TRMT44: variants seen among roughly 807,000 people sequenced by gnomAD.
TRMT44 encodes the protein tRNA methyltransferase 44 homolog, also known as probable tRNA (uracil-O(2)-)-methyltransferase.
TRMT44 carries 78 observed loss-of-function variants against 77.3 expected under a neutral mutation model. The ratio of observed to expected loss-of-function variants is 1.01; its 90% CI spans 0.84 to 1.22. The LOEUF is 1.22. Among genes scored for constraint, TRMT44 ranks in the 50% most tolerant of loss-of-function variants. TRMT44 has a pLI of 0.00. For synonymous variants in TRMT44, 391 were observed against 383.3 expected (o/e 1.02, Z -0.23); for missense variants, 1,090 against 964.4 (o/e 1.13, Z -1.73).
chr4:8,466,056 C>T (rs1449773461), intron 8 of TRMT44, among the ~76,000 whole-genome samples: 1 of 152,222 alleles, frequency 6.6e-6, no homozygotes, highest in Non-Finnish European at 1.5e-5. Flanking sequence ...TGGGACTGTG[C>T]CTCTGACCTT....
downstream of TRMT44, chr4:8,476,746 C>G (rs1453169141): frequency 6.6e-6 from 1 of 152,242 alleles, no homozygotes; most frequent in Non-Finnish European, 1.5e-5. Context: ...ATTTGTTTCT[C>G]TTTTATTTTT....
rs989786284 is a variant in TRMT44 at position 8,475,796 on chromosome 4, G to A, written c.2069G>A (p.Arg690His). Residue 690 changes from arginine to histidine, a missense_variant, in exon 11 of 11, where the codon CGC becomes CAC. By Grantham distance (29) the Arg-to-His change is conservative. Transcript: ENST00000389737. The stretch of plus-strand genomic sequence containing the variant: ...GTTGTGAATGGGAGAGTTCACATCC[G>A]CGACTGGCGAGAGGAGACACTGTGG... ...FQVVNGRVHI[R>H]DWREETLWKT... 6 of 1,614,012 alleles carry A rather than the reference G, an allele frequency of 3.7e-6. No individual in the cohort carries two copies. Among genetic ancestry groups the A allele is most frequent in the Non-Finnish European group, 3.4e-6 (4 of 1,180,046 alleles).
chr4:8,490,289 T>C (rs1007042458), intron 2 of TRMT44, among the ~76,000 whole-genome samples: 2 of 152,260 alleles, frequency 1.3e-5, no homozygotes, highest in African/African-American at 2.4e-5. Context: ...ACTTCAAGAA[T>C]GAAGCCACAG....
chr4:8,462,583 T>G (rs1726228595), intron 6 of TRMT44, among the ~76,000 whole-genome samples: 2 of 151,944 alleles, frequency 1.3e-5, no homozygotes, highest in African/African-American at 4.8e-5. Context: ...CGGGTGCCTG[T>G]AATCCCAGCT....
chr4:8,445,536 C>T (rs1345922462), intron 1 of TRMT44, among the ~76,000 whole-genome samples: 3 of 152,240 alleles, frequency 2.0e-5, no homozygotes, highest in Non-Finnish European at 2.9e-5. Context: ...AATTGCTGCT[C>T]CTGTGTCTGA....
chr4:8,512,570 C>T, the TRMT44 span: 1 of 152,180 alleles, frequency 6.6e-6, no homozygotes, highest in Non-Finnish European at 1.5e-5. Context: ...TACATAAAAT[C>T]GTCGAAACTT....
intron 1 of TRMT44, among the ~76,000 whole-genome samples, chr4:8,443,655 G>A (rs1409086978): frequency 6.6e-6 from 1 of 152,196 alleles, no homozygotes; most frequent in Non-Finnish European, 1.5e-5. Flanking sequence ...ATAAATGCTA[G>A]CTGCTGTTTG....
At chr4:8,466,761 C>G (rs1007462302) in intron 8 of TRMT44, among the ~76,000 whole-genome samples, 1 of 152,224 alleles carries the variant, frequency 6.6e-6, no homozygotes, top group African/African-American at 2.4e-5. Flanking sequence ...CTTCATCTCT[C>G]TGAGCTTCAG....
At chr4:8,454,970 G>T in intron 6 of TRMT44, 157 bp downstream of exon 6, 1 of 731,702 alleles carries the variant, frequency 1.4e-6, no homozygotes, top group Non-Finnish European at 2.3e-6. Context: ...AAGAGAAAAA[G>T]AGACATGAAA....
At chr4:8,472,808 G>C (rs1025335265) in intron 10 of TRMT44, among the ~76,000 whole-genome samples, 3 of 151,272 alleles carry the variant, frequency 2.0e-5, no homozygotes, top group African/African-American at 7.4e-5. Context: ...GGCTGGGCCT[G>C]CTGCCTGGAG....
chr4:8,480,176 T>C (rs1727568926), downstream of TRMT44, among the ~76,000 whole-genome samples: 1 of 152,204 alleles, frequency 6.6e-6, no homozygotes, highest in Admixed American at 6.5e-5. Context: ...AGAATTCATC[T>C]GAAGAGCATA....
Position 8,475,990 on chromosome 4 carries a change from A to G in TRMT44, c.2263A>G (p.Lys755Glu), listed in dbSNP as rs1466545515. 1 of 1,613,710 alleles carries G rather than the reference A, an allele frequency of 6.2e-7. No individual in the cohort carries two copies. The highest frequency in any genetic ancestry group is 1.3e-5 in the African/African-American group (1 of 74,938). Residue 755 changes from lysine (K) to glutamate (E), a missense_variant, in exon 11 of 11, where the codon AAG becomes GAG. By Grantham distance (56) the Lys-to-Glu change is moderately conservative (BLOSUM62 1). Transcript: ENST00000389737. ...LRPPRTTPRK[K>E]IS ...GCCACCCCGGACCACCCCGAGGAAGAAGATTTCATGAGCTGCATCCTTGCC... is the reference window on the plus strand; with the variant it reads ...GCCACCCCGGACCACCCCGAGGAAGGAGATTTCATGAGCTGCATCCTTGCC...
Position 8,452,091 on chromosome 4 carries a change from C to A in TRMT44, c.1023+63C>A. 7.1e-7 allele frequency: 1 copy of A among 1,405,288 alleles called. No homozygotes were observed. The highest frequency in any genetic ancestry group is 9.7e-7 in the Non-Finnish European group (1 of 1,028,254). The allele number at this position is 1,405,288 out of a possible 1,614,324, so 87.1% of individuals were successfully genotyped here. A position where few individuals can be genotyped will look rare whatever the true frequency, so the allele number is the denominator to read the frequency against. ...TGGAGTTTGCTACAGGCAGATGTTC[C>A]CTGTAGTGAAGGACATTTTCCAAAT... On this transcript the variant is annotated intron_variant, in intron 4 of 10. Transcript: ENST00000389737. This position sits in a 1 kb window ranked among gnomAD's most constrained non-coding sequence, Gnocchi z 5.7.
At chr4:8,485,502 G>T (rs1446229842) in intron 2 of TRMT44, among the ~76,000 whole-genome samples, 1 of 152,198 alleles carries the variant, frequency 6.6e-6, no homozygotes, top group African/African-American at 2.4e-5. Context: ...TCCTTTTAAA[G>T]CGTGCTGTGG....
chr4:8,503,679 G>T, the TRMT44 span, among the ~76,000 whole-genome samples: 1 of 152,326 alleles, frequency 6.6e-6, no homozygotes, highest in South Asian at 2.1e-4. Flanking sequence ...CGGGAGTCAG[G>T]TGGTCACAGG....
At chr4:8,472,347 C>T (rs749731399) in intron 10 of TRMT44, among the ~76,000 whole-genome samples, 78 of 152,198 alleles carry the variant, frequency 5.1e-4, no homozygotes, top group Non-Finnish European at 5.1e-4. Context: ...GGTCGGGTTA[C>T]AGCCGCCATG....
chr4:8,474,286 G>T (rs1727218229), intron 10 of TRMT44, among the ~76,000 whole-genome samples: 1 of 152,244 alleles, frequency 6.6e-6, no homozygotes, highest in South Asian at 2.1e-4. Flanking sequence ...CAGTGGCCAG[G>T]ATGTGCCCTT....
chr4:8,440,822 C>T lies in TRMT44; in HGVS notation c.-1C>T, dbSNP rs1446567369. The T allele has an allele frequency of 1.7e-4, 240 of 1,454,184 alleles. 1 individual carries two copies. The highest frequency in any genetic ancestry group is 1.6e-5 in the Non-Finnish European group (18 of 1,106,720). 90.1% of individuals were successfully genotyped at this position (1,454,184 alleles called of 1,614,324 possible). On this transcript the variant is annotated 5_prime_UTR_variant, in exon 1 of 11. Transcript: ENST00000389737. ...CCAGGGCTGTACACCTGCTGGCTGC[C>T]ATGGCTGAGGTGGGCCGTACCGGGA... is the stretch of plus-strand genomic sequence containing the variant.
At chr4:8,508,645 C>T in the TRMT44 span, among the ~76,000 whole-genome samples, 2 of 152,234 alleles carry the variant, frequency 1.3e-5, no homozygotes, top group Admixed American at 6.5e-5. Context: ...GGGGTTGCGG[C>T]GCCTTGGGCG....
Sources: gnomAD v4.1 joint callset for allele counts (sites outside exome capture counted in the v4.1 genomes callset) on GRCh38, gnomAD v4.1.1 for gene constraint, Gnocchi (gnomAD v3.1) non-coding constraint, MANE v1.5 for transcripts, NCBI Gene and HGNC (gene_info 2026-07-23, HGNC 2026-07-21) for gene names.